LRRC17: variants seen among roughly 807,000 people sequenced by gnomAD.
The protein encoded by LRRC17 is leucine rich repeat containing 17, also known as leucine-rich repeat-containing protein 17.
LRRC17 carries 33 observed loss-of-function variants against 41.5 expected under a neutral mutation model. The ratio of observed to expected loss-of-function variants is 0.80; its 90% CI spans 0.60 to 1.06. The LOEUF is 1.06. LRRC17 is among the 50% of genes least tolerant of loss of function. The pLI, the probability that LRRC17 is intolerant of heterozygous loss-of-function variation, is 0.00. For synonymous variants in LRRC17, 192 were observed against 197.0 expected (o/e 0.97, Z 0.21); for missense variants, 491 against 519.3 (o/e 0.95, Z 0.53).
intron 1 of LRRC17, among the ~76,000 whole-genome samples, chr7:102,924,238 CAAAAAAA>C (rs564121170): frequency 1.1e-4 from 6 of 54,412 alleles, no homozygotes; most frequent in African/African-American, 4.1e-4. Context: ...AACTCCGTCT[CAAAAAAA>C]AAAAAAAAAA....
intron 3 of LRRC17, 77 bp from the exon 4 acceptor site, chr7:102,944,133 T>C: frequency 1.8e-6 from 2 of 1,131,900 alleles, no homozygotes; most frequent in African/African-American, 1.6e-5. Flanking sequence ...TTTTTAAAAT[T>C]TGTATTTGTC....
chr7:102,923,890 A>T (rs1817564839), intron 1 of LRRC17, among the ~76,000 whole-genome samples: 1 of 152,000 alleles, frequency 6.6e-6, no homozygotes, highest in Non-Finnish European at 1.5e-5. Context: ...ATTTGATAAA[A>T]ATTTTATTCA....
At position 102,938,729 on chromosome 7, in the gene LRRC17, T is replaced by C. The variant is rs532899134; in HGVS notation, c.773-701T>C. Among the ~76,000 whole-genome samples the C allele has an allele frequency of 2.0e-5, 3 of 152,332 alleles. 1 individual carries two copies. In the South Asian group the frequency reaches 6.2e-4, roughly 32 times the overall value. Reference sequence around the variant, plus strand: ...AAACACTTTGCATCAATATTTGCAATATTTGCAATTCTCATTGAAGTTCTA... The same window carrying C: ...AAACACTTTGCATCAATATTTGCAACATTTGCAATTCTCATTGAAGTTCTA... On this transcript the variant is annotated intron_variant, in intron 2 of 3. Coordinates refer to ENST00000339431, the MANE Select transcript of LRRC17 (RefSeq NM_001031692.3).
chr7:102,935,238 C>CTT (rs1563116555), intron 2 of LRRC17, among the ~76,000 whole-genome samples: 2 of 84,472 alleles, frequency 2.4e-5, no homozygotes, highest in African/African-American at 4.7e-5. Context: ...TTTTTTTTTT[C>CTT]TTTCTTTTTT....
chr7:102,939,705 AG>A, intron 3 of LRRC17, 120 bp downstream of exon 3: 1 of 916,256 alleles, frequency 1.1e-6, no homozygotes. Context: ...ATAAAGTACA[AG>A]TTTTAATTAA....
rs755507642 is a variant in LRRC17 at position 102,939,474 on chromosome 7, C to T, written c.817C>T (p.Leu273Phe). ...CAACATCCCTCCAGATATTGTTAAACTTGACTTGTCATACAATAAAATCAA... is the reference window on the plus strand; with the variant it reads ...CAACATCCCTCCAGATATTGTTAAATTTGACTTGTCATACAATAAAATCAA... ...PNNIPPDIVK[L>F]DLSYNKINQL... Residue 273 changes from leucine (L) to phenylalanine (F), a missense_variant, in exon 3 of 4, where the codon CTT (leucine) becomes TTT (phenylalanine). Physicochemically the swap from Leu to Phe is conservative, Grantham distance 22. Coordinates refer to ENST00000339431, the MANE Select transcript of LRRC17 (RefSeq NM_001031692.3). 2 of 1,613,582 alleles carry T rather than the reference C, an allele frequency of 1.2e-6. No individual in the cohort carries two copies. The highest frequency in any genetic ancestry group is 2.2e-5 in the South Asian group (2 of 91,018).
At position 102,934,362 on chromosome 7, in the gene LRRC17, T is replaced by C; in HGVS notation, c.449T>C (p.Ile150Thr). The C allele has an allele frequency of 6.2e-7, 1 of 1,614,164 alleles. No individual in the cohort carries two copies. Among genetic ancestry groups the C allele is most frequent in the Non-Finnish European group, 8.5e-7 (1 of 1,180,028 alleles). The change falls in exon 2 of 4, where the codon ATT becomes ACT. Residue 150 changes from isoleucine to threonine, a missense_variant. Ile to Thr is a moderately conservative substitution (Grantham distance 89). Transcript: ENST00000339431. Reference sequence around the variant, plus strand: ...AAAGTCTTGACGGAGGAAGTGTTCATTTACACACCTCTCTTGAGCTACCTG... The same window carrying C: ...AAAGTCTTGACGGAGGAAGTGTTCACTTACACACCTCTCTTGAGCTACCTG... ...QIKVLTEEVF[I>T]YTPLLSYLRL...
chr7:102,919,074 T>C (rs1816480290), intron 1 of LRRC17, among the ~76,000 whole-genome samples: 1 of 152,186 alleles, frequency 6.6e-6, no homozygotes, highest in South Asian at 2.1e-4. Flanking sequence ...CTTGCACAGC[T>C]CATGGGAGTT....
rs774889611 is a variant in LRRC17, at chr7:102,944,501, C to T, written c.1220C>T (p.Ala407Val). The change falls in exon 4 of 4, where the codon GCA (alanine) becomes GTA (valine). Residue 407 changes from alanine to valine, a missense_variant. Transcript: ENST00000339431. ...YEECPKDKLP[A>V]YPESFDQDTE... ...GAATGCCCCAAAGACAAGTTACCAG[C>T]ATATCCTGAGTCATTTGACCAAGAC... 1.1e-5 allele frequency: 17 copies of T among 1,613,786 alleles called. No homozygotes were observed. The South Asian group carries it at 1.5e-4, about 15-fold the overall frequency.
chr7:102,925,312 T>C (rs1408619734), intron 1 of LRRC17, among the ~76,000 whole-genome samples: 1 of 152,124 alleles, frequency 6.6e-6, no homozygotes, highest in African/African-American at 2.4e-5. Context: ...GGAGGATTGT[T>C]TGAAGCCAGG....
intron 1 of LRRC17, among the ~76,000 whole-genome samples, chr7:102,917,909 T>C (rs1422771123): frequency 6.6e-6 from 1 of 152,164 alleles, no homozygotes; most frequent in Non-Finnish European, 1.5e-5. Context: ...TTTCCTGGAA[T>C]GGGCATGAGC....
At chr7:102,919,982 T>C (rs1816670296) in intron 1 of LRRC17, among the ~76,000 whole-genome samples, 1 of 152,204 alleles carries the variant, frequency 6.6e-6, no homozygotes, top group Non-Finnish European at 1.5e-5. Flanking sequence ...TACAATTCGA[T>C]ATTAAAAAGA....
At chr7:102,929,893 AAT>A (rs1271493210) in intron 1 of LRRC17, among the ~76,000 whole-genome samples, 5 of 152,054 alleles carry the variant, frequency 3.3e-5, no homozygotes, top group African/African-American at 1.2e-4. Flanking sequence ...ATTTAATCTC[AAT>A]ATAAATATAA....
intron 1 of LRRC17, among the ~76,000 whole-genome samples, chr7:102,916,468 C>T (rs1421831329): frequency 1.3e-5 from 2 of 152,170 alleles, no homozygotes; most frequent in African/African-American, 2.4e-5. Flanking sequence ...ACAGTGGAAC[C>T]TCATGGAACC....
At chr7:102,914,220 G>A (rs368353846) in intron 1 of LRRC17, among the ~76,000 whole-genome samples, 5 of 152,208 alleles carry the variant, frequency 3.3e-5, no homozygotes, top group East Asian at 1.9e-4. Flanking sequence ...TTACAGGCGC[G>A]TGCCAACATG....
At chr7:102,937,772 A>G (rs1414019813) in intron 2 of LRRC17, among the ~76,000 whole-genome samples, 3 of 152,172 alleles carry the variant, frequency 2.0e-5, no homozygotes, top group African/African-American at 7.2e-5. Flanking sequence ...TAATTTAAGC[A>G]ACCATTGAAA....
intron 1 of LRRC17, among the ~76,000 whole-genome samples, chr7:102,914,161 A>G (rs985348691): frequency 2.0e-5 from 3 of 151,750 alleles, no homozygotes; most frequent in Non-Finnish European, 4.4e-5. Context: ...CACTCCCCCA[A>G]CCCCTGGTTC....
chr7:102,915,149 A>T (rs1327077438), intron 1 of LRRC17, among the ~76,000 whole-genome samples: 3 of 135,716 alleles, frequency 2.2e-5, no homozygotes, highest in South Asian at 2.3e-4. Flanking sequence ...TTTTACACTG[A>T]TCAACTGTGG....
At position 102,934,006 on chromosome 7, in the gene LRRC17, T is replaced by G. The variant is rs139516562; in HGVS notation, c.93T>G (p.Asn31Lys). ...ASPGSVRSRV[N>K]HGRAGGGRRG... ...CAGGCAGTGTGAGAAGCCGAGTGAA[T>G]CATGGCCGGGCGGGTGGAGGCCGGA... The change falls in exon 2 of 4, where the codon AAT (asparagine) becomes AAG (lysine). Residue 31 changes from asparagine to lysine, a missense_variant. Coordinates refer to ENST00000339431, the MANE Select transcript of LRRC17 (RefSeq NM_001031692.3). 2.2e-3 allele frequency: 3,527 copies of G among 1,614,086 alleles called. 4 individuals carry two copies. The highest frequency in any genetic ancestry group is 3.6e-3 in the South Asian group (329 of 91,074).
Sources: allele counts gnomAD v4.1 joint callset (sites outside exome capture counted in the v4.1 genomes callset), GRCh38; gene constraint gnomAD v4.1.1; transcripts MANE v1.5; gene names NCBI Gene and HGNC (gene_info 2026-07-23, HGNC 2026-07-21).